Variants in GALNTL5 observed in about 807,000 individuals in gnomAD.
GALNTL5 encodes the protein inactive polypeptide N-acetylgalactosaminyltransferase-like protein 5.
Under a neutral mutation model 51.0 loss-of-function variants are expected in GALNTL5, and 44 were observed. That is an observed-to-expected ratio of 0.86 (90% CI 0.68 to 1.11). The LOEUF is 1.11. Ranked by LOEUF, GALNTL5 falls within the 50% of genes least tolerant of loss-of-function variation. GALNTL5 has a pLI of 0.00. For missense variants in GALNTL5, 528 were observed against 531.8 expected, an observed-to-expected ratio of 0.99 and a Z score of 0.07; for synonymous variants, 192 against 182.8, an observed-to-expected ratio of 1.05 and a Z score of -0.41.
chr7:151,985,679 A>G (rs1162883272), intron 4 of GALNTL5: 1 of 152,902 alleles, frequency 6.5e-6, no homozygotes, highest in Non-Finnish European at 1.5e-5. Context: ...CAACATGACC[A>G]TCTTCTGAAA....
intron 8 of GALNTL5, among the ~76,000 whole-genome samples, chr7:152,017,423 G>A (rs910220705): frequency 6.6e-6 from 1 of 152,092 alleles, no homozygotes; most frequent in Non-Finnish European, 1.5e-5. Flanking sequence ...TTCATCACGT[G>A]GTACATGACT....
chr7:151,987,058 T>G (rs1006736573), intron 4 of GALNTL5, 101 bp from the exon 5 acceptor site: 3 of 1,039,480 alleles, frequency 2.9e-6, no homozygotes, highest in African/African-American at 3.4e-5. Flanking sequence ...AGAACTTCTG[T>G]GGAATAGCAT....
At chr7:151,977,640 A>G (rs2081224075) in intron 3 of GALNTL5, among the ~76,000 whole-genome samples, 1 of 152,188 alleles carries the variant, frequency 6.6e-6, no homozygotes, top group Non-Finnish European at 1.5e-5. Flanking sequence ...ACTCTCTGAA[A>G]TAATTGGGAT....
At chr7:152,018,543 A>G (rs2081848210) in intron 8 of GALNTL5, among the ~76,000 whole-genome samples, 1 of 152,164 alleles carries the variant, frequency 6.6e-6, no homozygotes, top group South Asian at 2.1e-4. Context: ...TGACTTTCAC[A>G]GAGCAAAAAG....
At chr7:151,980,026 C>A (rs1478566760) in intron 3 of GALNTL5, among the ~76,000 whole-genome samples, 1 of 152,040 alleles carries the variant, frequency 6.6e-6, no homozygotes, top group Admixed American at 6.5e-5. Flanking sequence ...TCCGTTAATT[C>A]AGTCTAGTAT....
chr7:151,958,203 A>C (rs2080948825), intron 1 of GALNTL5, among the ~76,000 whole-genome samples: 1 of 152,056 alleles, frequency 6.6e-6, no homozygotes, highest in Non-Finnish European at 1.5e-5. Flanking sequence ...CTCTAGGCTC[A>C]CCTCTGGGCT....
chr7:152,015,835 G>A (rs2081806247), intron 8 of GALNTL5, among the ~76,000 whole-genome samples: 1 of 152,066 alleles, frequency 6.6e-6, no homozygotes, highest in Non-Finnish European at 1.5e-5. Flanking sequence ...TAAGTACCTT[G>A]CCAGGACTTA....
intron 2 of GALNTL5, among the ~76,000 whole-genome samples, chr7:151,969,007 C>A (rs769982972): frequency 1.3e-5 from 2 of 152,056 alleles, no homozygotes; most frequent in Non-Finnish European, 2.9e-5. Flanking sequence ...TTTATATATC[C>A]TAAATTCAAG....
chr7:152,008,415 T>A (rs1054733916), intron 7 of GALNTL5, among the ~76,000 whole-genome samples: 44 of 151,822 alleles, frequency 2.9e-4, no homozygotes, highest in Non-Finnish European at 8.8e-5. Context: ...TAATTTAATT[T>A]AAAAATATTT....
Position 151,967,504 on chromosome 7 carries a change from G to T in GALNTL5, c.247+11G>T. On this transcript the variant is annotated intron_variant, in intron 2 of 8. Transcript: ENST00000392800. ...CAAAGTCTATGTTAGGTAAGTATTT[G>T]GATTTTTTTCCGTTAGCCATTTGAA... 5 of 1,605,796 alleles carry T rather than the reference G, an allele frequency of 3.1e-6. No individual in the cohort carries two copies. Among genetic ancestry groups the T allele is most frequent in the Non-Finnish European group, 4.3e-6 (5 of 1,174,882 alleles).
intron 5 of GALNTL5, among the ~76,000 whole-genome samples, chr7:151,992,074 G>A (rs2081434733): frequency 6.6e-6 from 1 of 152,082 alleles, no homozygotes; most frequent in Admixed American, 6.6e-5. Flanking sequence ...ATTATTACTG[G>A]TACATAGGAA....
chr7:151,987,625 T>C (rs945980027), intron 5 of GALNTL5, among the ~76,000 whole-genome samples: 3 of 17,538 alleles, frequency 1.7e-4, no homozygotes, highest in Non-Finnish European at 2.5e-4. Flanking sequence ...GGGGGTGGGG[T>C]GGGCGGGAGG....
At chr7:151,964,290 A>G (rs966584285) in intron 1 of GALNTL5, among the ~76,000 whole-genome samples, 1 of 152,116 alleles carries the variant, frequency 6.6e-6, no homozygotes, top group Non-Finnish European at 1.5e-5. Flanking sequence ...TGGTGCTTCC[A>G]CATGTGAGTT....
chr7:152,008,474 T>TTA (rs2081681784), intron 7 of GALNTL5, among the ~76,000 whole-genome samples: 1 of 152,008 alleles, frequency 6.6e-6, no homozygotes, highest in Non-Finnish European at 1.5e-5. Flanking sequence ...GTATATCAAA[T>TTA]TAATATAATA....
intron 1 of GALNTL5, among the ~76,000 whole-genome samples, chr7:151,963,450 T>G (rs1400031537): frequency 6.6e-6 from 1 of 152,246 alleles, no homozygotes; most frequent in Non-Finnish European, 1.5e-5. Context: ...CAGGCTGAAG[T>G]GCAGTGGCAC....
At chr7:151,993,785 A>AT (rs1182853991) in intron 5 of GALNTL5, among the ~76,000 whole-genome samples, 26 of 151,740 alleles carry the variant, frequency 1.7e-4, no homozygotes, top group East Asian at 2.0e-4. Context: ...CACCTGGCCT[A>AT]TTTTTTTAAT....
intron 3 of GALNTL5, 28 bp from the exon 4 acceptor site, chr7:151,982,958 G>C: frequency 1.2e-6 from 2 of 1,613,824 alleles, no homozygotes; most frequent in Non-Finnish European, 1.7e-6. Context: ...TAGATGGATG[G>C]TTTTCTTCAT....
chr7:151,979,112 T>TA (rs2081244239), intron 3 of GALNTL5, among the ~76,000 whole-genome samples: 1 of 144,820 alleles, frequency 6.9e-6, no homozygotes, highest in Non-Finnish European at 1.5e-5. Flanking sequence ...TACTCTTTTT[T>TA]TTTTTTTTTT....
At chr7:151,959,242 T>A (rs1562998063) in intron 1 of GALNTL5, among the ~76,000 whole-genome samples, 1 of 151,890 alleles carries the variant, frequency 6.6e-6, no homozygotes, top group South Asian at 2.1e-4. Context: ...CTTTTTTTTT[T>A]AACTAGTTTC....
Sources: allele counts gnomAD v4.1 joint callset (sites outside exome capture counted in the v4.1 genomes callset), GRCh38; gene constraint gnomAD v4.1.1; transcripts MANE v1.5; gene names NCBI Gene and HGNC (gene_info 2026-07-23, HGNC 2026-07-21).